Variants in STX18 observed in about 807,000 individuals in gnomAD.
STX18 encodes syntaxin 18.
Under a neutral mutation model 50.1 loss-of-function variants are expected in STX18, and 40 were observed. That is an observed-to-expected ratio of 0.80 (90% CI 0.62 to 1.04). The LOEUF is 1.04. STX18 is among the 50% of genes least tolerant of loss of function. The pLI is 0.00. For synonymous variants in STX18, 158 were observed against 151.8 expected (o/e 1.04, Z -0.30); for missense variants, 410 against 415.8 (o/e 0.99, Z 0.12).
At chr4:4,434,132 G>C (rs1162861256) in intron 7 of STX18, among the ~76,000 whole-genome samples, 2 of 152,218 alleles carry the variant, frequency 1.3e-5, no homozygotes, top group African/African-American at 4.8e-5. Context: ...CCACGTCTTA[G>C]AGGACAGTGT....
chr4:4,477,650 A>G (rs915843453), intron 1 of STX18, among the ~76,000 whole-genome samples: 1 of 152,228 alleles, frequency 6.6e-6, no homozygotes, highest in Admixed American at 6.5e-5. Flanking sequence ...GCCTGGATCC[A>G]ATCCAGCCAG....
intron 1 of STX18, among the ~76,000 whole-genome samples, chr4:4,524,538 C>A (rs890173948): frequency 1.3e-5 from 2 of 152,200 alleles, no homozygotes; most frequent in African/African-American, 4.8e-5. Flanking sequence ...CTCTCTTCCT[C>A]CAGAGGGGGC....
intron 1 of STX18, among the ~76,000 whole-genome samples, chr4:4,530,342 AGTT>A (rs1293569926): frequency 6.6e-6 from 1 of 151,464 alleles, no homozygotes; most frequent in Admixed American, 6.6e-5. Context: ...TGGTTTGGGT[AGTT>A]ATTTTTTTAA....
chr4:4,461,337 T>C (rs10017573), intron 2 of STX18, among the ~76,000 whole-genome samples: 22,610 of 152,178 alleles, frequency 0.15, 1,742 homozygotes, highest in African/African-American at 0.18. Context: ...AAAAAGTCCA[T>C]CTACCAGAAG....
chr4:4,419,730 A>G lies in STX18; in HGVS notation c.*304T>C. 3.8e-6 allele frequency: 1 copy of G among 263,908 alleles called. No homozygotes were observed. The allele number at this position is 263,908 out of a possible 1,614,324, so 16.3% of individuals were successfully genotyped here. Reference sequence around the variant, plus strand: ...CCTGCTGTGCCCCTGCTGCCAAGGCAGCCTCAAGTTCAAGGAGCAGCTAAT... The same window carrying G: ...CCTGCTGTGCCCCTGCTGCCAAGGCGGCCTCAAGTTCAAGGAGCAGCTAAT... On this transcript the variant is annotated 3_prime_UTR_variant, in exon 11 of 11. Coordinates refer to ENST00000306200, the MANE Select transcript of STX18 (RefSeq NM_016930.4).
intron 1 of STX18, among the ~76,000 whole-genome samples, chr4:4,524,025 T>C (rs1294911006): frequency 1.3e-5 from 2 of 152,252 alleles, no homozygotes; most frequent in East Asian, 3.8e-4. Flanking sequence ...GCTTTAGTTA[T>C]GTGCCTCTAA....
intron 1 of STX18, among the ~76,000 whole-genome samples, chr4:4,533,706 C>T (rs1438247187): frequency 6.6e-6 from 1 of 152,122 alleles, no homozygotes; most frequent in Non-Finnish European, 1.5e-5. Flanking sequence ...GAAGCCAGCC[C>T]CTGATGGGAA....
intron 1 of STX18, among the ~76,000 whole-genome samples, chr4:4,504,152 G>A (rs547127681): frequency 1.4e-4 from 22 of 152,294 alleles, no homozygotes; most frequent in South Asian, 4.1e-4. Context: ...GAGGAACAGC[G>A]TTTGTAAAGG....
intron 1 of STX18, among the ~76,000 whole-genome samples, chr4:4,493,416 T>C (rs1349468901): frequency 1.3e-5 from 2 of 152,006 alleles, no homozygotes; most frequent in African/African-American, 4.8e-5. Context: ...TGATTAGGAA[T>C]TGTAAATAGT....
intron 1 of STX18, among the ~76,000 whole-genome samples, chr4:4,521,504 G>A (rs1232372548): frequency 6.6e-6 from 1 of 152,062 alleles, no homozygotes; most frequent in Non-Finnish European, 1.5e-5. Context: ...GAGCGGGGGA[G>A]GATAAAGAAG....
intron 5 of STX18, among the ~76,000 whole-genome samples, chr4:4,449,814 A>C (rs888727153): frequency 2.6e-5 from 4 of 152,318 alleles, no homozygotes; most frequent in Non-Finnish European, 5.9e-5. Context: ...ATGGATTCAT[A>C]ATGTCCTATC....
At chr4:4,518,343 C>T (rs1440589820) in intron 1 of STX18, among the ~76,000 whole-genome samples, 2 of 152,166 alleles carry the variant, frequency 1.3e-5, no homozygotes, top group African/African-American at 4.8e-5. Context: ...AGAGCTCATG[C>T]ACAAAGCCAA....
intron 1 of STX18, among the ~76,000 whole-genome samples, chr4:4,501,504 G>A (rs1181284961): frequency 1.3e-5 from 2 of 152,120 alleles, no homozygotes; most frequent in East Asian, 1.9e-4. Context: ...TCTATATGAG[G>A]GAAAATAAGA....
intron 6 of STX18, among the ~76,000 whole-genome samples, chr4:4,436,187 T>C (rs1267099925): frequency 2.0e-5 from 3 of 152,184 alleles, no homozygotes; most frequent in Admixed American, 1.3e-4. Flanking sequence ...GCCTGAAAGT[T>C]ATGGTTATTT....
At chr4:4,471,273 G>A (rs897915441) in intron 2 of STX18, among the ~76,000 whole-genome samples, 1 of 152,224 alleles carries the variant, frequency 6.6e-6, no homozygotes, top group Non-Finnish European at 1.5e-5. Context: ...GCAAGAGATG[G>A]GCAAAAATAG....
chr4:4,512,238 C>T (rs979697776), intron 1 of STX18, among the ~76,000 whole-genome samples: 16 of 152,070 alleles, frequency 1.1e-4, no homozygotes, highest in Admixed American at 2.6e-4. Flanking sequence ...TTTCTCATTG[C>T]AGCTCAGCAA....
intron 1 of STX18, among the ~76,000 whole-genome samples, chr4:4,524,480 C>G (rs923766592): frequency 2.6e-5 from 4 of 152,214 alleles, no homozygotes; most frequent in African/African-American, 4.8e-5. Flanking sequence ...GAATATCACT[C>G]AATTTGAGCC....
chr4:4,531,718 C>CTAAT (rs767507245), intron 1 of STX18, among the ~76,000 whole-genome samples: 51 of 152,318 alleles, frequency 3.3e-4, no homozygotes, highest in Admixed American at 5.9e-4. Context: ...TAGACTGCCT[C>CTAAT]TAATTACATG....
At chr4:4,450,535 C>G (rs1025902928) in intron 5 of STX18, among the ~76,000 whole-genome samples, 3 of 152,176 alleles carry the variant, frequency 2.0e-5, no homozygotes, top group African/African-American at 7.2e-5. Flanking sequence ...AACTCCCGGC[C>G]TCAAGCAATC....
Sources: allele counts gnomAD v4.1 joint callset (sites outside exome capture counted in the v4.1 genomes callset), GRCh38; gene constraint gnomAD v4.1.1; transcripts MANE v1.5; gene names NCBI Gene and HGNC (gene_info 2026-07-23, HGNC 2026-07-21).